Variants in ORC1 observed in about 807,000 individuals in gnomAD.
The protein encoded by ORC1 is origin recognition complex subunit 1, also known as origin recognition complex, subunit 1 homolog.
A neutral mutation model predicts 98.9 loss-of-function variants in ORC1; 61 were observed. The observed-to-expected ratio is 0.62, with a 90% CI of 0.50 to 0.76. ORC1 has a LOEUF of 0.76. Ranked by LOEUF, ORC1 falls within the 30% of genes least tolerant of loss-of-function variation. The pLI is 0.00. For synonymous variants in ORC1, 385 were observed against 406.9 expected, an observed-to-expected ratio of 0.95 and a Z score of 0.65; for missense variants, 979 against 1,072.2, an observed-to-expected ratio of 0.91 and a Z score of 1.21.
At chr1:52,374,086 A>G (rs1250196900) in intron 16 of ORC1, among the ~76,000 whole-genome samples, 1 of 152,226 alleles carries the variant, frequency 6.6e-6, no homozygotes, top group Non-Finnish European at 1.5e-5. Context: ...AGGATTCATC[A>G]CAGTTAATGG....
At chr1:52,383,733 A>G in intron 12 of ORC1, 97 bp downstream of exon 12, 4 of 1,293,444 alleles carry the variant, frequency 3.1e-6, no homozygotes, top group Non-Finnish European at 4.5e-6. Context: ...GGCTCATATG[A>G]ATGGAGAAGG....
chr1:52,404,596 C>G (rs1569968971), upstream of ORC1: 2 of 705,802 alleles, frequency 2.8e-6, no homozygotes, highest in Non-Finnish European at 4.6e-6. Context: ...GGAGCGGAAG[C>G]CCTTTACACT....
chr1:52,380,972 C>T (rs1647061854), intron 14 of ORC1, among the ~76,000 whole-genome samples: 1 of 152,108 alleles, frequency 6.6e-6, no homozygotes, highest in African/African-American at 2.4e-5. Context: ...AAGAGTGTGT[C>T]GGCAAGAGGA....
upstream of ORC1, chr1:52,404,849 T>C (rs780049827): frequency 1.2e-6 from 2 of 1,614,092 alleles, no homozygotes; most frequent in African/African-American, 2.7e-5. Flanking sequence ...TGAGTCCAAG[T>C]ACTGGAAAGA....
Position 52,396,109 on chromosome 1 carries a change from T to C in ORC1, c.658A>G (p.Lys220Glu). 1.2e-6 allele frequency: 2 copies of C among 1,614,204 alleles called. No individual in the cohort carries two copies. The highest frequency in any genetic ancestry group is 1.7e-6 in the Non-Finnish European group (2 of 1,180,040). Residue 220 changes from lysine (K) to glutamate (E), a missense_variant, in exon 5 of 17, where the codon AAA (lysine) becomes GAA (glutamate). Transcript: ENST00000371568. ...KRIESRHSAS[K>E]SRQTPTHPLT... Reference sequence around the variant, plus strand: ...GGATGGGTAGGAGTTTGGCGAGATTTGGAGGCGGAGTGCCTTGATTCAATC... The same window carrying C: ...GGATGGGTAGGAGTTTGGCGAGATTCGGAGGCGGAGTGCCTTGATTCAATC...
chr1:52,409,250 T>A (rs769439112), upstream of ORC1, among the ~76,000 whole-genome samples: 2 of 152,194 alleles, frequency 1.3e-5, no homozygotes, highest in African/African-American at 2.4e-5. Context: ...CTTTTCTCAC[T>A]TGGTGTCATA....
intron 13 of ORC1, among the ~76,000 whole-genome samples, chr1:52,382,886 AT>A (rs527631991): frequency 1.0e-4 from 15 of 148,488 alleles, no homozygotes; most frequent in Middle Eastern, 3.2e-3. Flanking sequence ...AGCCTAAAAC[AT>A]TTTTTTTTTA....
At chr1:52,382,959 TATG>T (rs1647092208) in intron 13 of ORC1, among the ~76,000 whole-genome samples, 1 of 152,222 alleles carries the variant, frequency 6.6e-6, no homozygotes, top group Admixed American at 6.5e-5. Flanking sequence ...AACACCAAGA[TATG>T]ATGTTTGCAG....
intron 14 of ORC1, among the ~76,000 whole-genome samples, chr1:52,379,097 T>C (rs555055545): frequency 2.6e-4 from 40 of 151,982 alleles, no homozygotes; most frequent in Non-Finnish European, 4.7e-4. Flanking sequence ...TAGCGGTTAG[T>C]GTAGTGGACT....
chr1:52,377,598 A>C (rs1007891003), intron 14 of ORC1, among the ~76,000 whole-genome samples: 3 of 151,490 alleles, frequency 2.0e-5, no homozygotes, highest in African/African-American at 7.3e-5. Context: ...TACAACCATA[A>C]GCCCTTGCTT....
intron 9 of ORC1, 133 bp downstream of exon 9, chr1:52,385,719 T>TA: frequency 1.4e-6 from 1 of 733,926 alleles, no homozygotes; most frequent in Non-Finnish European, 2.5e-6. Flanking sequence ...TCACTTTACC[T>TA]AGATAGGTAA....
At chr1:52,376,885 GCA>G (rs1647001622) in intron 14 of ORC1, among the ~76,000 whole-genome samples, 1 of 152,128 alleles carries the variant, frequency 6.6e-6, no homozygotes, top group Non-Finnish European at 1.5e-5. Flanking sequence ...CATCCTGCAG[GCA>G]CCTGAAACTT....
Position 52,388,456 on chromosome 1 carries a change from C to T in ORC1, c.1369G>A (p.Val457Met), listed in dbSNP as rs755161107. Residue 457 changes from valine (V) to methionine (M), a missense_variant, in exon 8 of 17, where the codon GTG becomes ATG. By Grantham distance (21) the Val-to-Met change is conservative. Coordinates refer to ENST00000371568, the MANE Select transcript of ORC1 (RefSeq NM_004153.4). ...LKSSLHTLTK[V>M]PKKSLKPRTP... ...AAGAACCTTACACTCTTCTTTGGCA[C>T]CTTCGTGAGGGTATGTAAGGATGAC... The T allele has an allele frequency of 3.1e-6, 5 of 1,613,904 alleles. No individual in the cohort carries two copies. In the Admixed American group the frequency reaches 6.7e-5, roughly 22 times the overall value.
chr1:52,405,769 A>T, upstream of ORC1: 1 of 1,614,170 alleles, frequency 6.2e-7, no homozygotes, highest in Non-Finnish European at 8.5e-7. Flanking sequence ...TCTGTGTTTA[A>T]CCTTGAAGAT....
Position 52,384,679 on chromosome 1 carries a change from G to A in ORC1, c.1626C>T (p.Ala542=), listed in dbSNP as rs1647119409. Residue 542 remains alanine (A), a synonymous_variant, in exon 11 of 17, where the codon GCC becomes GCT. Transcript: ENST00000371568. Reference sequence around the variant, plus strand: ...GGCAGCGTATCACTTCATGAACAGTGGCAGTCTTCCCTGTCCCAGGGACAC... The same window carrying A: ...GGCAGCGTATCACTTCATGAACAGTAGCAGTCTTCCCTGTCCCAGGGACAC... The part of the protein sequence containing the change: ...ISGVPGTGKT[A]TVHEVIRCLQ... 6.2e-7 allele frequency: 1 copy of A among 1,613,814 alleles called. No homozygotes were observed. The highest frequency in any genetic ancestry group is 1.7e-5 in the Admixed American group (1 of 59,970).
chr1:52,405,261 T>C (rs1347247752), upstream of ORC1, among the ~76,000 whole-genome samples: 3 of 152,240 alleles, frequency 2.0e-5, no homozygotes, highest in Non-Finnish European at 4.4e-5. Context: ...TATTCTTAGA[T>C]CTGGGCCGGT....
intron 2 of ORC1, 138 bp from the exon 3 acceptor site, chr1:52,401,627 G>T: frequency 2.0e-6 from 2 of 1,014,238 alleles, no homozygotes; most frequent in Non-Finnish European, 3.0e-6. Context: ...AAACCAATTC[G>T]CCCAGTTATA....
chr1:52,402,134 G>A lies in ORC1; in HGVS notation c.90C>T (p.Thr30=), dbSNP rs1446889961. 10 of 1,612,742 alleles carry A rather than the reference G, an allele frequency of 6.2e-6. No individual in the cohort carries two copies. Among genetic ancestry groups the A allele is most frequent in the African/African-American group, 1.3e-5 (1 of 74,864 alleles). ...CAAAGGACCCCATCACTCACCTATA[G>A]GTTTGGTAGTGCAGTTTTCGATCCA... ...PLLDRKLHYQ[T]YREMCVKTEG... is the part of the protein sequence containing the mutation. Residue 30 remains threonine, a synonymous_variant, in exon 2 of 17, where the codon ACC becomes ACT. Transcript: ENST00000371568.
chr1:52,389,170 T>C (rs1647179443), intron 7 of ORC1, 47 bp downstream of exon 7: 1 of 1,353,142 alleles, frequency 7.4e-7, no homozygotes, highest in Non-Finnish European at 1.1e-6. Flanking sequence ...ATTATAGATA[T>C]CAGAGATGGC....
Sources: allele counts gnomAD v4.1 joint callset (sites outside exome capture counted in the v4.1 genomes callset), GRCh38; gene constraint gnomAD v4.1.1; transcripts MANE v1.5; gene names NCBI Gene and HGNC (gene_info 2026-07-23, HGNC 2026-07-21).